Variants in BCAS3 observed in about 807,000 individuals in gnomAD.
BCAS3 encodes BCAS3 microtubule associated cell migration factor.
Under a neutral mutation model 116.1 loss-of-function variants are expected in BCAS3, and 53 were observed. That is an observed-to-expected ratio of 0.46 (90% CI 0.37 to 0.57). BCAS3 has a LOEUF of 0.57. BCAS3 is among the 20% of genes least tolerant of loss of function. BCAS3 has a pLI of 0.00. For missense variants in BCAS3, 917 were observed against 1,165.4 expected, an observed-to-expected ratio of 0.79 and a Z score of 3.10; for synonymous variants, 391 against 408.2, an observed-to-expected ratio of 0.96 and a Z score of 0.51.
intron 6 of BCAS3, among the ~76,000 whole-genome samples, chr17:60,757,148 T>G (rs2043062510): frequency 6.7e-6 from 1 of 149,328 alleles, no homozygotes; most frequent in Non-Finnish European, 1.5e-5. Flanking sequence ...AGTGACAGAG[T>G]GAGACTCTGT....
chr17:61,292,755 C>A (rs960116458), intron 22 of BCAS3, among the ~76,000 whole-genome samples: 1 of 152,076 alleles, frequency 6.6e-6, no homozygotes, highest in Non-Finnish European at 1.5e-5. Context: ...ATTCTTATGC[C>A]CATATGTGTA....
intron 8 of BCAS3, among the ~76,000 whole-genome samples, chr17:60,870,182 C>T (rs1015999721): frequency 2.0e-5 from 3 of 152,168 alleles, no homozygotes; most frequent in African/African-American, 7.2e-5. Context: ...ATAAAATCAC[C>T]TGTAGCCCAT....
At chr17:60,963,352 A>T (rs1170722587) in intron 14 of BCAS3, among the ~76,000 whole-genome samples, 5 of 151,930 alleles carry the variant, frequency 3.3e-5, no homozygotes. Flanking sequence ...GTATTCTTTG[A>T]TCCATAAGCA....
Position 60,993,582 on chromosome 17 carries a change from A to G in BCAS3, c.1486+3347A>G, listed in dbSNP as rs1413953990. On this transcript the variant is annotated intron_variant, in intron 15 of 23. Coordinates refer to ENST00000407086, the MANE Select transcript of BCAS3 (RefSeq NM_017679.5). This position sits in a 1 kb window ranked among gnomAD's most constrained non-coding sequence, Gnocchi z 4.2. ...TTTAGAGTGATGGTCATTTTTCTTCATGTTTTTTTGTATCTTACATGTCAT... is the reference window on the plus strand; with the variant it reads ...TTTAGAGTGATGGTCATTTTTCTTCGTGTTTTTTTGTATCTTACATGTCAT... Among the ~76,000 whole-genome samples the G allele has an allele frequency of 1.3e-5, 2 of 151,960 alleles. No homozygotes were observed. The highest frequency in any genetic ancestry group is 2.9e-5 in the Non-Finnish European group (2 of 67,974).
At chr17:60,955,639 C>T (rs1208340953) in intron 14 of BCAS3, among the ~76,000 whole-genome samples, 2 of 152,032 alleles carry the variant, frequency 1.3e-5, no homozygotes, top group African/African-American at 4.8e-5. Flanking sequence ...CCTCCTTGGC[C>T]TCCCACAGTG....
chr17:60,702,864 T>A (rs1264250584), intron 4 of BCAS3, among the ~76,000 whole-genome samples: 2 of 152,126 alleles, frequency 1.3e-5, no homozygotes, highest in South Asian at 4.1e-4. Flanking sequence ...GTGCTGAGAT[T>A]ACAGGCGTGA....
At chr17:61,257,314 A>C (rs1287660136) in intron 22 of BCAS3, among the ~76,000 whole-genome samples, 1 of 150,436 alleles carries the variant, frequency 6.6e-6, no homozygotes, top group Admixed American at 6.7e-5. Context: ...CCAGCTACGC[A>C]GGAGGCTAAG....
chr17:61,388,388 T>G lies in BCAS3; in HGVS notation c.2594-3589T>G. 2.1e-6 allele frequency: 1 copy of G among 482,322 alleles called. No individual in the cohort carries two copies. Among genetic ancestry groups the G allele is most frequent in the Non-Finnish European group, 3.7e-6 (1 of 268,084 alleles). The allele number at this position is 482,322 out of a possible 1,614,324, so 29.9% of individuals were successfully genotyped here. A position where few individuals can be genotyped will look rare whatever the true frequency, so the allele number is the denominator to read the frequency against. ...TCCCCCTCCCCCACTCTGAACGGGG[T>G]CTTGGCCCCCTCTGTCACAGCAGAT... On this transcript the variant is annotated intron_variant, in intron 23 of 23. Coordinates refer to ENST00000407086, the MANE Select transcript of BCAS3 (RefSeq NM_017679.5). The surrounding 1 kb of genome is among the most constrained non-coding windows in gnomAD (Gnocchi z 6.5).
chr17:60,873,975 A>T (rs2144912535), intron 8 of BCAS3, among the ~76,000 whole-genome samples: 1 of 151,766 alleles, frequency 6.6e-6, no homozygotes, highest in South Asian at 2.1e-4. Flanking sequence ...AGTAGCTGGG[A>T]TTACGGGTGT....
rs2077862053 is a variant in BCAS3 at position 61,156,715 on chromosome 17, A to G, written c.2425+72151A>G. Among the ~76,000 whole-genome samples the G allele has an allele frequency of 6.6e-6, 1 of 152,196 alleles. No homozygotes were observed. On this transcript the variant is annotated intron_variant, in intron 22 of 23. Transcript: ENST00000407086. The surrounding 1 kb of genome is among the most constrained non-coding windows in gnomAD (Gnocchi z 4.7). ...TCCTTGGAATCCTAATTGGCACATAACAATAATTGTTTCTATCCTGCTATA... is the reference window on the plus strand; with the variant it reads ...TCCTTGGAATCCTAATTGGCACATAGCAATAATTGTTTCTATCCTGCTATA...
At chr17:60,915,977 C>T (rs1269432914) in intron 12 of BCAS3, among the ~76,000 whole-genome samples, 4 of 152,104 alleles carry the variant, frequency 2.6e-5, no homozygotes, top group African/African-American at 9.7e-5. Flanking sequence ...GCCACCGCGC[C>T]CAGCTGTAGT....
chr17:60,805,832 A>T (rs1598840102), intron 6 of BCAS3, among the ~76,000 whole-genome samples: 1 of 151,696 alleles, frequency 6.6e-6, no homozygotes, highest in South Asian at 2.1e-4. Flanking sequence ...ATCTGTAAAA[A>T]AAAAAGAGAA....
Position 60,975,195 on chromosome 17 carries a change from G to T in BCAS3, c.1222-14776G>T, listed in dbSNP as rs1487307427. 1.1e-4 allele frequency among the ~76,000 whole-genome samples: 17 copies of T among 151,610 alleles called. No homozygotes were observed. In the East Asian group the frequency reaches 3.3e-3, roughly 29 times the overall value. ...TTTTTGTATTTTTAGTAGAGACGGG[G>T]TTTCACCTTGTTAGCCAGGATGGTC... On this transcript the variant is annotated intron_variant, in intron 14 of 23. Coordinates refer to ENST00000407086, the MANE Select transcript of BCAS3 (RefSeq NM_017679.5).
chr17:61,201,752 A>C (rs577606225), intron 22 of BCAS3, among the ~76,000 whole-genome samples: 46 of 145,664 alleles, frequency 3.2e-4, no homozygotes, highest in Admixed American at 7.8e-4. Flanking sequence ...AAGGGAAAGG[A>C]AACTAACTTT....
rs182625211 is a variant in BCAS3 at position 60,961,140 on chromosome 17, A to G, written c.1221+13788A>G. On this transcript the variant is annotated intron_variant, in intron 14 of 23. Coordinates refer to ENST00000407086, the MANE Select transcript of BCAS3 (RefSeq NM_017679.5). This position sits in a 1 kb window ranked among gnomAD's most constrained non-coding sequence, Gnocchi z 4.8. ...AAAGGAAGTATTATTGAATGGTAAA[A>G]TAAGAAGCACTCTGAATGGCAGTAA... 1.3e-5 allele frequency among the ~76,000 whole-genome samples: 2 copies of G among 152,326 alleles called. No homozygotes were observed. The highest frequency in any genetic ancestry group is 2.4e-5 in the African/African-American group (1 of 41,584).
Position 61,097,537 on chromosome 17 carries a change from A to G in BCAS3, c.2425+12973A>G, listed in dbSNP as rs1282927741. Reference sequence around the variant, plus strand: ...TGATAAAAAGAGAAATTGGAAAAGTAGCAGGGTGATTTTTAAGTTTCCTTG... The same window carrying G: ...TGATAAAAAGAGAAATTGGAAAAGTGGCAGGGTGATTTTTAAGTTTCCTTG... On this transcript the variant is annotated intron_variant, in intron 22 of 23. Transcript: ENST00000407086. This position sits in a 1 kb window ranked among gnomAD's most constrained non-coding sequence, Gnocchi z 4.0. Among the ~76,000 whole-genome samples the G allele has an allele frequency of 3.3e-5, 5 of 152,212 alleles. No individual in the cohort carries two copies. The highest frequency in any genetic ancestry group is 1.2e-4 in the African/African-American group (5 of 41,468).
rs1449047823 is a variant in BCAS3, at chr17:60,878,229, C to T, written c.661+3491C>T. The stretch of plus-strand genomic sequence containing the variant: ...TTTACCATGTTGTCCAGGCTGGTCT[C>T]GAACTCCTGAGCTCAGGTGATCTGC... On this transcript the variant is annotated intron_variant, in intron 9 of 23. Transcript: ENST00000407086. 2.6e-5 allele frequency among the ~76,000 whole-genome samples: 4 copies of T among 152,044 alleles called. No individual in the cohort carries two copies. In the East Asian group the frequency reaches 5.8e-4, roughly 22 times the overall value.
At chr17:60,944,008 T>C (rs544897221) in intron 13 of BCAS3, among the ~76,000 whole-genome samples, 32 of 152,156 alleles carry the variant, frequency 2.1e-4, no homozygotes, top group African/African-American at 7.7e-4. Context: ...TTAATACCTA[T>C]ATGTGCTTAC....
chr17:61,190,524 C>T (rs796367316), intron 22 of BCAS3, among the ~76,000 whole-genome samples: 8 of 40,874 alleles, frequency 2.0e-4, no homozygotes, highest in African/African-American at 5.4e-4. Flanking sequence ...AAGACTCCAT[C>T]TCAAAAAAAA....
Sources: gnomAD v4.1 joint callset for allele counts (sites outside exome capture counted in the v4.1 genomes callset) on GRCh38, gnomAD v4.1.1 for gene constraint, Gnocchi (gnomAD v3.1) non-coding constraint, MANE v1.5 for transcripts, NCBI Gene and HGNC (gene_info 2026-07-23, HGNC 2026-07-21) for gene names.